The following NDC80 variants were observed in gnomAD, a reference collection of about 807,000 sequenced individuals.
The protein encoded by NDC80 is NDC80 kinetochore complex component.
A neutral mutation model predicts 89.3 loss-of-function variants in NDC80; 69 were observed. That is an observed-to-expected ratio of 0.77 (90% CI 0.64 to 0.94). The LOEUF is 0.94. NDC80 is among the 40% of genes least tolerant of loss of function. The pLI, the probability that NDC80 is intolerant of heterozygous loss-of-function variation, is 0.00. For missense variants in NDC80, 593 were observed against 739.6 expected, an observed-to-expected ratio of 0.80 and a Z score of 2.30; for synonymous variants, 243 against 255.6, an observed-to-expected ratio of 0.95 and a Z score of 0.47.
intron 16 of NDC80, among the ~76,000 whole-genome samples, chr18:2,615,632 G>A (rs1358093984): frequency 1.3e-5 from 2 of 152,198 alleles, no homozygotes; most frequent in African/African-American, 2.4e-5. Context: ...ATTAGGGCAT[G>A]GACATCTTTG....
Position 2,585,207 on chromosome 18 carries a change from C to G in NDC80, c.669+5C>G. 8 of 1,589,020 alleles carry G rather than the reference C, an allele frequency of 5.0e-6. No individual in the cohort carries two copies. The highest frequency in any genetic ancestry group is 6.9e-6 in the Non-Finnish European group (8 of 1,157,944). Reference sequence around the variant, plus strand: ...GATGGAATTATGCATAATAAGGTACCATGTATTATCATAAACTGTAATAAT... The same window carrying G: ...GATGGAATTATGCATAATAAGGTACGATGTATTATCATAAACTGTAATAAT... On this transcript the variant is annotated splice_donor_5th_base_variant and intron_variant, in intron 7 of 16. Transcript: ENST00000261597.
At position 2,610,785 on chromosome 18, in the gene NDC80, C is replaced by A. The variant is rs2072739378; in HGVS notation, c.1715C>A (p.Thr572Asn). The A allele has an allele frequency of 1.9e-6, 3 of 1,591,724 alleles. No homozygotes were observed. Among genetic ancestry groups the A allele is most frequent in the East Asian group, 2.2e-5 (1 of 44,454 alleles). The change falls in exon 16 of 17, where the codon ACT (threonine) becomes AAT (asparagine). Residue 572 changes from threonine (T) to asparagine (N), a missense_variant. By Grantham distance (65) the Thr-to-Asn change is moderately conservative. Transcript: ENST00000261597. ...TACCAACTAGTTGTGCAAACCACGA[C>A]TGAAGAAAGACGAAAAGTGGGAAAT... is the stretch of plus-strand genomic sequence containing the variant. ...REYQLVVQTT[T>N]EERRKVGNNL...
chr18:2,592,343 TTTTTGTTTTA>T (rs1342563904), intron 10 of NDC80, among the ~76,000 whole-genome samples: 19 of 150,988 alleles, frequency 1.3e-4, no homozygotes, highest in African/African-American at 4.7e-4. Context: ...TTTTATTTTG[TTTTTGTTTTA>T]TTTTGTTTTT....
intron 8 of NDC80, among the ~76,000 whole-genome samples, chr18:2,588,167 C>T (rs1206327496): frequency 6.6e-6 from 1 of 152,112 alleles, no homozygotes; most frequent in Non-Finnish European, 1.5e-5. Flanking sequence ...AAATACTTGA[C>T]CTCCTGACAA....
intron 11 of NDC80, among the ~76,000 whole-genome samples, chr18:2,595,901 T>A (rs530207847): frequency 6.6e-6 from 1 of 152,356 alleles, no homozygotes; most frequent in Non-Finnish European, 1.5e-5. Context: ...CCTTTTACTC[T>A]GTAGAAGAGG....
Position 2,605,270 on chromosome 18 carries a change from ATGTATGTGTGTGTG to A in NDC80, c.1465-1141_1465-1128del, listed in dbSNP as rs1568010162. ...AGGCAATTGGAGTCGGGCGGGCTAT[ATGTATGTGTGTGTG>A]TGTGTGTGTGTGTGTGTGTGTGTGT... On this transcript the variant is annotated intron_variant, in intron 13 of 16. Coordinates refer to ENST00000261597, the MANE Select transcript of NDC80 (RefSeq NM_006101.3). Among the ~76,000 whole-genome samples, 398 of 98,202 alleles carry A rather than the reference ATGTATGTGTGTGTG, an allele frequency of 4.1e-3. 2 individuals are homozygous for A. The highest frequency in any genetic ancestry group is 0.014 in the African/African-American group (360 of 26,264). The allele number at this position is 98,202 out of a possible 152,430, so 64.4% of individuals were successfully genotyped here.
At chr18:2,598,803 T>C (rs2072670014) in intron 11 of NDC80, among the ~76,000 whole-genome samples, 1 of 152,190 alleles carries the variant, frequency 6.6e-6, no homozygotes, top group African/African-American at 2.4e-5. Context: ...TACACACCAA[T>C]TGATAGTCTT....
intron 6 of NDC80, among the ~76,000 whole-genome samples, chr18:2,579,646 C>G (rs1013115231): frequency 1.3e-5 from 2 of 152,152 alleles, no homozygotes; most frequent in Non-Finnish European, 2.9e-5. Context: ...AGGCTGGTCT[C>G]AAACTCCTGA....
intron 3 of NDC80, among the ~76,000 whole-genome samples, chr18:2,575,784 G>A (rs1353879716): frequency 2.0e-5 from 3 of 152,238 alleles, no homozygotes; most frequent in Non-Finnish European, 2.9e-5. Context: ...GATTAGCCGG[G>A]GGCAGTGGCA....
chr18:2,607,810 T>C (rs986937270), intron 14 of NDC80, among the ~76,000 whole-genome samples: 3 of 150,202 alleles, frequency 2.0e-5, no homozygotes, highest in African/African-American at 2.5e-5. Context: ...GGGAGTGTCT[T>C]CCAGATATAC....
At position 2,612,785 on chromosome 18, in the gene NDC80, C is replaced by T. The variant is rs548670686; in HGVS notation, c.1791+1924C>T. Among the ~76,000 whole-genome samples the T allele has an allele frequency of 4.6e-5, 7 of 152,060 alleles. No homozygotes were observed. In the South Asian group the frequency reaches 1.2e-3, roughly 27 times the overall value. ...TTTGGTGTTATTAGGAAAATTAGAC[C>T]AAATTCAGCAAGCACTAAGCGCTTA... On this transcript the variant is annotated intron_variant, in intron 16 of 16. Coordinates refer to ENST00000261597, the MANE Select transcript of NDC80 (RefSeq NM_006101.3).
At chr18:2,588,240 C>T (rs890129869) in intron 8 of NDC80, among the ~76,000 whole-genome samples, 25 of 152,088 alleles carry the variant, frequency 1.6e-4, no homozygotes, top group African/African-American at 6.0e-4. Context: ...CTACCAGAAG[C>T]ATAGACAATA....
At chr18:2,574,465 T>G (rs918624321) in intron 2 of NDC80, among the ~76,000 whole-genome samples, 1 of 152,226 alleles carries the variant, frequency 6.6e-6, no homozygotes, top group African/African-American at 2.4e-5. Flanking sequence ...AGCATCACTG[T>G]GTACCCCATA....
At position 2,610,876 on chromosome 18, in the gene NDC80, GTC is replaced by G. The variant is rs1801232621; in HGVS notation, c.1791+17_1791+18del. ...GGTCTGTAGAGGTAAGTATGTGATG[GTC>G]TTTCCTACGTTCTAAGAAAGGTTTT... is the stretch of plus-strand genomic sequence containing the variant. On this transcript the variant is annotated intron_variant, in intron 16 of 16. Transcript: ENST00000261597. 7.0e-7 allele frequency: 1 copy of G among 1,418,858 alleles called. No homozygotes were observed. The highest frequency in any genetic ancestry group is 1.4e-5 in the African/African-American group (1 of 69,678). The allele number at this position is 1,418,858 out of a possible 1,614,324, so 87.9% of individuals were successfully genotyped here.
At chr18:2,583,464 G>A (rs961813382) in intron 6 of NDC80, among the ~76,000 whole-genome samples, 1 of 152,172 alleles carries the variant, frequency 6.6e-6, no homozygotes, top group Non-Finnish European at 1.5e-5. Context: ...ACTTTGGGAG[G>A]CCAAGGTGGG....
At chr18:2,592,740 CA>C (rs1251122156) in intron 10 of NDC80, among the ~76,000 whole-genome samples, 1 of 152,086 alleles carries the variant, frequency 6.6e-6, no homozygotes, top group Non-Finnish European at 1.5e-5. Context: ...TTTATCTAAC[CA>C]TGAATTTGCT....
intron 10 of NDC80, chr18:2,593,989 G>GCCT (rs2072640906): frequency 5.9e-6 from 1 of 169,132 alleles, no homozygotes; most frequent in Non-Finnish European, 1.2e-5. Context: ...AGCAGCCTCC[G>GCCT]CCTCCCAGAT....
intron 15 of NDC80, 24 bp downstream of exon 15, chr18:2,608,854 A>G (rs2072728575): frequency 6.3e-7 from 1 of 1,578,842 alleles, no homozygotes; most frequent in South Asian, 1.1e-5. Flanking sequence ...ACCAAGATTT[A>G]TACGTTTATT....
intron 14 of NDC80, among the ~76,000 whole-genome samples, chr18:2,607,965 G>GTATATATATA (rs3033372): frequency 0.078 from 5,295 of 67,606 alleles, 604 homozygotes; most frequent in South Asian, 0.1. Flanking sequence ...TATATACATA[G>GTATATATATA]TATATATATA....
Sources: allele counts gnomAD v4.1 joint callset (sites outside exome capture counted in the v4.1 genomes callset), GRCh38; gene constraint gnomAD v4.1.1; transcripts MANE v1.5; gene names NCBI Gene and HGNC (gene_info 2026-07-23, HGNC 2026-07-21).